SPATA31H1: variants seen among roughly 807,000 people sequenced by gnomAD.
SPATA31H1 encodes spermatogenesis-associated protein 31H1.
At chr2:27,542,235 A>C in the SPATA31H1 span, among the ~76,000 whole-genome samples, 1 of 151,674 alleles carries the variant, frequency 6.6e-6, no homozygotes, top group Admixed American at 6.6e-5. Context: ...CATCTCTACT[A>C]AAAATACAAA....
the SPATA31H1 span, chr2:27,579,575 C>A: frequency 6.2e-7 from 1 of 1,614,192 alleles, no homozygotes; most frequent in Admixed American, 1.7e-5. Flanking sequence ...AGAAGACAAA[C>A]TCAACGTTCA....
chr2:27,572,528 G>C, the SPATA31H1 span: 2 of 398,464 alleles, frequency 5.0e-6, no homozygotes, highest in Non-Finnish European at 8.9e-6. Context: ...GTGGGCCACA[G>C]TTGCAGTGTG....
At chr2:27,573,415 T>C in the SPATA31H1 span, 8 of 398,226 alleles carry the variant, frequency 2.0e-5, no homozygotes, top group Non-Finnish European at 3.1e-5. Context: ...CAATCTCGAG[T>C]TGTCACAACT....
chr2:27,579,745 C>T, the SPATA31H1 span: 1 of 1,614,202 alleles, frequency 6.2e-7, no homozygotes, highest in Non-Finnish European at 8.5e-7. Flanking sequence ...GATTCCCAGA[C>T]AAGGATTTCT....
the SPATA31H1 span, among the ~76,000 whole-genome samples, chr2:27,561,856 G>A: frequency 4.6e-5 from 7 of 152,196 alleles, no homozygotes; most frequent in South Asian, 2.1e-4. Flanking sequence ...GTGCCACCAC[G>A]CCCAGCTAGC....
chr2:27,539,101 CT>C, the SPATA31H1 span, among the ~76,000 whole-genome samples: 22,573 of 90,316 alleles, frequency 0.25, 2,572 homozygotes, highest in Non-Finnish European at 0.32. Flanking sequence ...TCATCATTTT[CT>C]TTTTTTTTTT....
chr2:27,577,063 C>T, the SPATA31H1 span: 6 of 1,614,096 alleles, frequency 3.7e-6, no homozygotes, highest in Non-Finnish European at 5.1e-6. This position sits in a 1 kb window ranked among gnomAD's most constrained non-coding sequence, Gnocchi z 4.5. Flanking sequence ...TCAGAAATGG[C>T]ACAAGGATTG....
chr2:27,582,662 G>A, the SPATA31H1 span: 1 of 850,638 alleles, frequency 1.2e-6, no homozygotes, highest in Non-Finnish European at 1.8e-6. Context: ...CTCTACCGGG[G>A]GGGAGGCGGG....
chr2:27,558,938 A>AGGGAGT, the SPATA31H1 span, among the ~76,000 whole-genome samples: 51 of 134,408 alleles, frequency 3.8e-4, no homozygotes, highest in African/African-American at 1.4e-3. Context: ...GGAGAGGGAG[A>AGGGAGT]GGGAGAGGGA....
At chr2:27,572,095 A>C in the SPATA31H1 span, 1 of 398,476 alleles carries the variant, frequency 2.5e-6, no homozygotes, top group Non-Finnish European at 4.4e-6. Context: ...GTAGACCTCA[A>C]GTCTGACCTA....
chr2:27,542,968 T>A, the SPATA31H1 span, among the ~76,000 whole-genome samples: 2 of 151,908 alleles, frequency 1.3e-5, no homozygotes, highest in African/African-American at 4.9e-5. Context: ...TCCCAGCTAC[T>A]AGGGAGTCCC....
chr2:27,575,390 A>G, the SPATA31H1 span: 1 of 398,546 alleles, frequency 2.5e-6, no homozygotes, highest in South Asian at 1.3e-4. The surrounding 1 kb of genome is among the most constrained non-coding windows in gnomAD (Gnocchi z 4.1). Flanking sequence ...CTTCAGAATT[A>G]TGCACAGGGA....
chr2:27,542,196 A>G, the SPATA31H1 span, among the ~76,000 whole-genome samples: 1 of 151,978 alleles, frequency 6.6e-6, no homozygotes, highest in Non-Finnish European at 1.5e-5. Flanking sequence ...CAGGAGTTCG[A>G]GACCAGCCTG....
the SPATA31H1 span, among the ~76,000 whole-genome samples, chr2:27,561,704 T>C: frequency 0.026 from 3,902 of 152,188 alleles, 408 homozygotes; most frequent in Admixed American, 0.19. Context: ...AGTTTTCCCA[T>C]AACCATTTTT....
the SPATA31H1 span, among the ~76,000 whole-genome samples, chr2:27,555,791 T>C: frequency 1.3e-5 from 2 of 151,992 alleles, no homozygotes; most frequent in Non-Finnish European, 2.9e-5. Flanking sequence ...ACTATTCATC[T>C]TATTCCTCCT....
At chr2:27,573,508 C>T in the SPATA31H1 span, 2 of 398,394 alleles carry the variant, frequency 5.0e-6, no homozygotes, top group Non-Finnish European at 8.8e-6. Context: ...AGTATACAAC[C>T]TTTGACATCA....
chr2:27,566,779 T>C, the SPATA31H1 span: 1 of 716,684 alleles, frequency 1.4e-6, no homozygotes, highest in Admixed American at 2.0e-5. Context: ...CAGGATATGA[T>C]TTCTTCCTCT....
the SPATA31H1 span, chr2:27,582,649 T>G: frequency 7.1e-6 from 7 of 990,622 alleles, no homozygotes; most frequent in African/African-American, 9.8e-5. Context: ...GGCTTCCATT[T>G]CTCTCTACCG....
the SPATA31H1 span, among the ~76,000 whole-genome samples, chr2:27,542,244 A>G: frequency 6.6e-6 from 1 of 151,802 alleles, no homozygotes; most frequent in Non-Finnish European, 1.5e-5. Flanking sequence ...TAAAAATACA[A>G]AAATTAGCTG....
Sources: gnomAD v4.1 joint callset for allele counts (sites outside exome capture counted in the v4.1 genomes callset) on GRCh38, gnomAD v4.1.1 for gene constraint, Gnocchi (gnomAD v3.1) non-coding constraint, MANE v1.5 for transcripts, NCBI Gene and HGNC (gene_info 2026-07-23, HGNC 2026-07-21) for gene names.